Variants in PTPRT observed in about 807,000 individuals in gnomAD.
PTPRT encodes the protein protein tyrosine phosphatase receptor type T.
A neutral mutation model predicts 176.8 loss-of-function variants in PTPRT; 56 were observed. The observed-to-expected ratio is 0.32, with a 90% CI of 0.26 to 0.40. The LOEUF is 0.40. Ranked by LOEUF, PTPRT falls within the 10% of genes least tolerant of loss-of-function variation. The probability of loss-of-function intolerance (pLI) is 1.00; values close to 1 mark genes in which losing one functional copy is unlikely to be tolerated. For missense variants in PTPRT, 1,540 were observed against 1,908.2 expected, an observed-to-expected ratio of 0.81 and a Z score of 3.60; for synonymous variants, 783 against 739.0, an observed-to-expected ratio of 1.06 and a Z score of -0.96.
chr20:42,608,298 C>A (rs1230681030), intron 7 of PTPRT, among the ~76,000 whole-genome samples: 1 of 152,140 alleles, frequency 6.6e-6, no homozygotes, highest in Non-Finnish European at 1.5e-5. Flanking sequence ...ATAAAGAGGA[C>A]CGTTGCCAGA....
chr20:42,933,009 A>C (rs966908613), intron 1 of PTPRT, among the ~76,000 whole-genome samples: 6 of 152,114 alleles, frequency 3.9e-5, no homozygotes, highest in Admixed American at 1.3e-4. Context: ...AAATCTGACC[A>C]AGCTTGCCCT....
intron 14 of PTPRT, among the ~76,000 whole-genome samples, chr20:42,244,100 A>C (rs1259202951): frequency 6.6e-6 from 1 of 152,206 alleles, no homozygotes; most frequent in Non-Finnish European, 1.5e-5. Context: ...TGATCTTTAG[A>C]ATAGCCCCAT....
chr20:42,293,461 T>C (rs1183666560), intron 12 of PTPRT, among the ~76,000 whole-genome samples: 1 of 152,212 alleles, frequency 6.6e-6, no homozygotes, highest in African/African-American at 2.4e-5. Flanking sequence ...CTGTTCTTTA[T>C]CCCTTTCTTT....
intron 1 of PTPRT, among the ~76,000 whole-genome samples, chr20:43,077,097 T>C (rs2011298732): frequency 6.6e-6 from 1 of 152,216 alleles, no homozygotes; most frequent in Non-Finnish European, 1.5e-5. Flanking sequence ...GCCCACTTTT[T>C]AATTTCACCT....
intron 8 of PTPRT, among the ~76,000 whole-genome samples, chr20:42,464,702 G>A (rs1367048863): frequency 6.6e-6 from 1 of 152,188 alleles, no homozygotes; most frequent in Non-Finnish European, 1.5e-5. Context: ...TCACTAAGGT[G>A]TGAATAGCTT....
At chr20:42,863,795 C>A (rs1003135921) in intron 2 of PTPRT, among the ~76,000 whole-genome samples, 1 of 152,194 alleles carries the variant, frequency 6.6e-6, no homozygotes, top group Non-Finnish European at 1.5e-5. Context: ...GGAAAGTGGG[C>A]AGACCATGAA....
intron 7 of PTPRT, among the ~76,000 whole-genome samples, chr20:42,645,425 CA>C (rs1428432781): frequency 2.0e-5 from 3 of 152,162 alleles, no homozygotes; most frequent in African/African-American, 7.2e-5. Flanking sequence ...CAGTTGGCCA[CA>C]ATGGTAACCT....
chr20:42,914,716 G>A (rs1235263752), intron 1 of PTPRT, among the ~76,000 whole-genome samples: 1 of 152,178 alleles, frequency 6.6e-6, no homozygotes, highest in African/African-American at 2.4e-5. Flanking sequence ...AACAGCATGG[G>A]AGAATTTGGT....
intron 1 of PTPRT, among the ~76,000 whole-genome samples, chr20:43,112,449 C>A (rs2012902783): frequency 1.3e-5 from 2 of 152,016 alleles, no homozygotes; most frequent in African/African-American, 4.8e-5. Context: ...TCATTCCATT[C>A]TATTCTGTTG....
At chr20:42,922,214 G>A (rs1011818269) in intron 1 of PTPRT, among the ~76,000 whole-genome samples, 4 of 152,160 alleles carry the variant, frequency 2.6e-5, no homozygotes, top group African/African-American at 9.7e-5. Flanking sequence ...GACTACAGTT[G>A]TGAGCCACCG....
intron 7 of PTPRT, among the ~76,000 whole-genome samples, chr20:42,670,805 C>G (rs554306703): frequency 6.6e-6 from 1 of 152,092 alleles, no homozygotes; most frequent in Admixed American, 6.6e-5. Flanking sequence ...TAACTATAAT[C>G]GGAGTGGCCT....
intron 7 of PTPRT, among the ~76,000 whole-genome samples, chr20:42,643,164 G>A (rs1466423977): frequency 6.6e-6 from 1 of 152,088 alleles, no homozygotes; most frequent in African/African-American, 2.4e-5. Context: ...ATAGCTGACT[G>A]ATGCAACCAG....
chr20:42,769,812 T>A (rs995595941), intron 5 of PTPRT, among the ~76,000 whole-genome samples: 1 of 152,214 alleles, frequency 6.6e-6, no homozygotes, highest in Non-Finnish European at 1.5e-5. Flanking sequence ...GAAATACTGT[T>A]ACACACAACA....
At position 42,748,921 on chromosome 20, in the gene PTPRT, C is replaced by T. The variant is rs117703595; in HGVS notation, c.859+7541G>A. Among the ~76,000 whole-genome samples the T allele has an allele frequency of 4.7e-3, 723 of 152,240 alleles. 3 individuals carry two copies. Among genetic ancestry groups the T allele is most frequent in the Non-Finnish European group, 7.5e-3 (507 of 68,018 alleles). ...CTCACTTGAGAATGTACCCTTTATT[C>T]GCTGCCCTTGATTCTCTGTCTCATG... On this transcript the variant is annotated intron_variant, in intron 6 of 30. Transcript: ENST00000373187.
intron 7 of PTPRT, among the ~76,000 whole-genome samples, chr20:42,529,262 A>G (rs566502806): frequency 6.6e-6 from 1 of 152,182 alleles, no homozygotes; most frequent in Non-Finnish European, 1.5e-5. Flanking sequence ...CGCTTGGTAA[A>G]GGTAATAAAA....
chr20:42,274,100 C>A (rs141851023), intron 13 of PTPRT, among the ~76,000 whole-genome samples: 16 of 152,314 alleles, frequency 1.1e-4, no homozygotes, highest in Admixed American at 3.3e-4. Context: ...ATATATGGTT[C>A]TAGAGATGTC....
intron 1 of PTPRT, among the ~76,000 whole-genome samples, chr20:43,032,686 A>C (rs1417547727): frequency 6.6e-6 from 1 of 152,126 alleles, no homozygotes; most frequent in Non-Finnish European, 1.5e-5. Flanking sequence ...GTCAGGCCTG[A>C]GATCAAAGCA....
At chr20:42,220,223 G>A (rs1190545808) in intron 15 of PTPRT, among the ~76,000 whole-genome samples, 2 of 152,100 alleles carry the variant, frequency 1.3e-5, no homozygotes, top group African/African-American at 4.8e-5. Flanking sequence ...AAATGGTGAT[G>A]AAAGAAATCA....
At chr20:42,801,328 C>T (rs115356162) in intron 2 of PTPRT, among the ~76,000 whole-genome samples, 132 of 152,204 alleles carry the variant, frequency 8.7e-4, no homozygotes, top group African/African-American at 2.8e-3. Context: ...AGCACCCGCC[C>T]CTCAAATCCT....
Sources: allele counts gnomAD v4.1 joint callset (sites outside exome capture counted in the v4.1 genomes callset), GRCh38; gene constraint gnomAD v4.1.1; transcripts MANE v1.5; gene names NCBI Gene and HGNC (gene_info 2026-07-23, HGNC 2026-07-21).